Variants in CACNB4 observed in about 807,000 individuals in gnomAD.
CACNB4 encodes voltage-dependent L-type calcium channel subunit beta-4.
In CACNB4, 32 loss-of-function variants were observed where a neutral mutation model predicts 71.2. The observed-to-expected ratio is 0.45, with a 90% CI of 0.34 to 0.60. The LOEUF is 0.60. CACNB4 is among the 20% of genes least tolerant of loss of function. CACNB4 has a pLI of 0.01. For synonymous variants in CACNB4, 231 were observed against 236.9 expected, an observed-to-expected ratio of 0.97 and a Z score of 0.23; for missense variants, 464 against 647.9, an observed-to-expected ratio of 0.72 and a Z score of 3.08.
chr2:151,933,880 TC>T (rs1433778041), intron 2 of CACNB4, among the ~76,000 whole-genome samples: 1 of 146,484 alleles, frequency 6.8e-6, no homozygotes, highest in African/African-American at 2.8e-5. Context: ...ATATAAAATT[TC>T]AGTGATCAAA....
At chr2:152,094,861 T>G (rs576046628) in intron 2 of CACNB4, among the ~76,000 whole-genome samples, 2 of 152,316 alleles carry the variant, frequency 1.3e-5, no homozygotes, top group African/African-American at 4.8e-5. Context: ...GAAAGAAAAT[T>G]CTATGGCCTC....
In CACNB4 at chr2:151,977,716, A is replaced by C. The variant is rs985309221; in HGVS notation, c.148-94346T>G. 2.0e-5 allele frequency among the ~76,000 whole-genome samples: 3 copies of C among 152,308 alleles called. No homozygotes were observed. The South Asian group carries it at 6.2e-4, about 32-fold the overall frequency. On this transcript the variant is annotated intron_variant, in intron 2 of 13. Coordinates refer to ENST00000539935, the MANE Select transcript of CACNB4 (RefSeq NM_000726.5). ...AAGGCAATTCTGATTCTAATTTTCC[A>C]CCTAAATTTCTCGGGAATTTAACTT... is the stretch of plus-strand genomic sequence containing the variant.
chr2:152,053,337 G>A (rs892596201), intron 2 of CACNB4, among the ~76,000 whole-genome samples: 2 of 152,128 alleles, frequency 1.3e-5, no homozygotes, highest in African/African-American at 4.8e-5. Context: ...AAAAACCAAA[G>A]GGCAGGGTTT....
chr2:152,005,327 A>G (rs989542537), intron 2 of CACNB4, among the ~76,000 whole-genome samples: 2 of 152,204 alleles, frequency 1.3e-5, no homozygotes, highest in Admixed American at 1.3e-4. Flanking sequence ...TACATCAGGG[A>G]ATACTAGGCA....
chr2:152,056,180 G>A (rs1234839768), intron 2 of CACNB4, among the ~76,000 whole-genome samples: 1 of 151,950 alleles, frequency 6.6e-6, no homozygotes, highest in Non-Finnish European at 1.5e-5. Context: ...GGCTAACACG[G>A]TGAAACCCCG....
At chr2:152,041,155 A>G (rs1024494597) in intron 2 of CACNB4, among the ~76,000 whole-genome samples, 1 of 152,198 alleles carries the variant, frequency 6.6e-6, no homozygotes, top group Non-Finnish European at 1.5e-5. Flanking sequence ...TTTGGCACTC[A>G]GTATAATGAT....
At position 151,883,309 on chromosome 2, in the gene CACNB4, C is replaced by T. The variant is rs772769233; in HGVS notation, c.209G>A (p.Arg70Gln). The change falls in exon 3 of 14, where the codon CGG (arginine) becomes CAG (glutamine). Residue 70 changes from arginine (R) to glutamine (Q), a missense_variant. Arg to Gln is a conservative substitution (Grantham distance 43, BLOSUM62 1). Around this residue, in one of 3 missense-constraint regions of CACNB4, gnomAD observed 299 missense variants for 471.7 expected, o/e 0.63. Coordinates refer to ENST00000539935, the MANE Select transcript of CACNB4 (RefSeq NM_000726.5). ...SDSDVSLEEDREAIRQEREQQ... is the reference protein window; with the variant it reads ...SDSDVSLEEDQEAIRQEREQQ... Reference sequence around the variant, plus strand: ...TTCTCTCTCCTGTCGAATTGCTTCCCGGTCCTCTTCCAAAGAGACATCGGA... The same window carrying T: ...TTCTCTCTCCTGTCGAATTGCTTCCTGGTCCTCTTCCAAAGAGACATCGGA... 5 of 1,613,640 alleles carry T rather than the reference C, an allele frequency of 3.1e-6. No homozygotes were observed. In the African/African-American group the frequency reaches 4.0e-5, roughly 13 times the overall value.
rs1424174647 is a variant in CACNB4, at chr2:151,957,640, A to G, written c.148-74270T>C. ...TAATTTGACCCAGTATTTCTCAAAGAATTTACATGAAAGTGATTTGGGGAG... is the reference window on the plus strand; with the variant it reads ...TAATTTGACCCAGTATTTCTCAAAGGATTTACATGAAAGTGATTTGGGGAG... On this transcript the variant is annotated intron_variant, in intron 2 of 13. Coordinates refer to ENST00000539935, the MANE Select transcript of CACNB4 (RefSeq NM_000726.5). Among the ~76,000 whole-genome samples the G allele has an allele frequency of 2.6e-5, 4 of 152,198 alleles. No individual in the cohort carries two copies. The East Asian group carries it at 7.7e-4, about 29-fold the overall frequency.
chr2:152,099,095 G>C, upstream of CACNB4: 1 of 881,774 alleles, frequency 1.1e-6, no homozygotes, highest in Non-Finnish European at 1.7e-6. Context: ...CGGAGGGGGA[G>C]GGCGCAGGAC....
chr2:152,098,298 C>G lies in CACNB4; in HGVS notation c.147+32G>C, dbSNP rs778690802. The G allele has an allele frequency of 1.2e-4, 181 of 1,573,644 alleles. No individual in the cohort carries two copies. The highest frequency in any genetic ancestry group is 1.6e-4 in the Non-Finnish European group (179 of 1,143,454). On this transcript the variant is annotated intron_variant, in intron 2 of 13. Transcript: ENST00000539935. This position sits in a 1 kb window ranked among gnomAD's most constrained non-coding sequence, Gnocchi z 5.3. ...CCCCGCGCCGCGCGCTCGGCCTCCT[C>G]CCCATCCTGGTCTCCCGCCTCCTTC... is the stretch of plus-strand genomic sequence containing the variant.
rs1431670651 is a variant in CACNB4, at chr2:151,855,211, A to C, written c.1020+13T>G. ...TGCACTTCTAAACCTTAAGGCAGAA[A>C]GGAGCTAATTACCTTTGGAGATGAG... On this transcript the variant is annotated intron_variant, in intron 11 of 13. Transcript: ENST00000539935. The C allele has an allele frequency of 5.3e-6, 8 of 1,517,150 alleles. No individual in the cohort carries two copies. The highest frequency in any genetic ancestry group is 7.2e-6 in the Non-Finnish European group (8 of 1,113,822). 94.0% of individuals were successfully genotyped at this position (1,517,150 alleles called of 1,614,324 possible).
At chr2:151,971,046 T>C (rs1035949977) in intron 2 of CACNB4, 5 of 152,986 alleles carry the variant, frequency 3.3e-5, no homozygotes, top group African/African-American at 1.2e-4. Context: ...TTTCGGCATG[T>C]TTCTTTTTCC....
chr2:151,865,398 A>C (rs138142217), intron 9 of CACNB4, among the ~76,000 whole-genome samples: 1 of 152,082 alleles, frequency 6.6e-6, no homozygotes, highest in Non-Finnish European at 1.5e-5. Flanking sequence ...CACGATGTTC[A>C]TCTAAGATTT....
chr2:151,984,245 T>A (rs1392849018), intron 2 of CACNB4, among the ~76,000 whole-genome samples: 1 of 152,098 alleles, frequency 6.6e-6, no homozygotes, highest in Non-Finnish European at 1.5e-5. Context: ...ACACAAACAG[T>A]CCATTCCAAA....
At chr2:152,070,479 C>T (rs1686618674) in intron 2 of CACNB4, among the ~76,000 whole-genome samples, 1 of 151,998 alleles carries the variant, frequency 6.6e-6, no homozygotes, top group Non-Finnish European at 1.5e-5. Flanking sequence ...GTCATACATG[C>T]TTTTTTTATA....
chr2:152,047,740 A>G (rs899853984), intron 2 of CACNB4, among the ~76,000 whole-genome samples: 1 of 152,110 alleles, frequency 6.6e-6, no homozygotes, highest in African/African-American at 2.4e-5. Context: ...CTCTACTAAA[A>G]ATACAAAAAT....
At chr2:151,897,037 T>C (rs1254474899) in intron 2 of CACNB4, among the ~76,000 whole-genome samples, 4 of 152,164 alleles carry the variant, frequency 2.6e-5, no homozygotes, top group African/African-American at 7.2e-5. Flanking sequence ...ATCACTGAGG[T>C]TGAAGACATT....
intron 2 of CACNB4, among the ~76,000 whole-genome samples, chr2:152,073,215 G>T (rs973616717): frequency 6.6e-6 from 1 of 152,072 alleles, no homozygotes; most frequent in Non-Finnish European, 1.5e-5. Context: ...GAGAGCAGAC[G>T]GAAGTCAGCT....
rs373682013 is a variant in CACNB4, at chr2:151,951,145, T to C, written c.148-67775A>G. ...TTCGCCATGTTGGCCAGACTAGTCTTGAACTACTGACCTCAAGTGATCCAC... is the reference window on the plus strand; with the variant it reads ...TTCGCCATGTTGGCCAGACTAGTCTCGAACTACTGACCTCAAGTGATCCAC... On this transcript the variant is annotated intron_variant, in intron 2 of 13. Transcript: ENST00000539935. Among the ~76,000 whole-genome samples the C allele has an allele frequency of 2.3e-4, 35 of 152,156 alleles. No individual in the cohort carries two copies. In the East Asian group the frequency reaches 3.7e-3, roughly 16 times the overall value.
Sources: allele counts gnomAD v4.1 joint callset (sites outside exome capture counted in the v4.1 genomes callset), GRCh38; gene constraint gnomAD v4.1.1; regional missense constraint gnomAD v4.1.1; non-coding constraint Gnocchi (gnomAD v3.1); transcripts MANE v1.5; gene names NCBI Gene and HGNC (gene_info 2026-07-23, HGNC 2026-07-21).